Variants in HAO1 observed in about 807,000 individuals in gnomAD.
HAO1 encodes hydroxyacid oxidase 1.
In HAO1, 34 loss-of-function variants were observed where a neutral mutation model predicts 39.7. The ratio of observed to expected loss-of-function variants is 0.86; its 90% CI spans 0.65 to 1.14. The LOEUF is 1.14. Among genes scored for constraint, HAO1 ranks in the 50% most tolerant of loss-of-function variants. The pLI is 0.00. For missense variants in HAO1, 479 were observed against 464.5 expected, an observed-to-expected ratio of 1.03 and a Z score of -0.29; for synonymous variants, 172 against 173.2, an observed-to-expected ratio of 0.99 and a Z score of 0.05.
At chr20:7,913,946 C>T (rs1054016605) in intron 3 of HAO1, among the ~76,000 whole-genome samples, 5 of 152,192 alleles carry the variant, frequency 3.3e-5, no homozygotes, top group African/African-American at 4.8e-5. Context: ...AAAGCCAAAG[C>T]CCTTAATGCA....
At chr20:7,907,201 ACTTCTCTAAT>A (rs1374028048) in intron 3 of HAO1, among the ~76,000 whole-genome samples, 1 of 151,976 alleles carries the variant, frequency 6.6e-6, no homozygotes, top group African/African-American at 2.4e-5. Flanking sequence ...GCTGACTCAA[ACTTCTCTAAT>A]CTTCCAGACA....
Position 7,928,964 on chromosome 20 carries a change from C to T in HAO1, c.289+5520G>A, listed in dbSNP as rs565090094. Among the ~76,000 whole-genome samples, 4 of 152,260 alleles carry T rather than the reference C, an allele frequency of 2.6e-5. No individual in the cohort carries two copies. In the East Asian group the frequency reaches 7.7e-4, roughly 29 times the overall value. On this transcript the variant is annotated intron_variant, in intron 2 of 7. Transcript: ENST00000378789. ...TTTGGCAACCCCACATCCCTGCTCC[C>T]TTGGGTCATCAAGAGCTAAGATGTG...
At position 7,934,143 on chromosome 20, in the gene HAO1, C is replaced by A. The variant is rs79973822; in HGVS notation, c.289+341G>T. On this transcript the variant is annotated intron_variant, in intron 2 of 7. Transcript: ENST00000378789. ...TTTCCTGAGACAGTACTATTAATAC[C>A]CATAATATAACCAACAGTTACTGAG... 1.0e-2 allele frequency among the ~76,000 whole-genome samples: 1,521 copies of A among 152,198 alleles called. 25 individuals carry two copies. The highest frequency in any genetic ancestry group is 0.033 in the African/African-American group (1,362 of 41,510).
At chr20:7,894,379 T>G (rs1006627137) in intron 5 of HAO1, among the ~76,000 whole-genome samples, 9 of 152,186 alleles carry the variant, frequency 5.9e-5, no homozygotes, top group African/African-American at 2.2e-4. Context: ...TTTTGGACTC[T>G]GATTTGCCTA....
chr20:7,906,365 A>G, intron 3 of HAO1, 36 bp from the exon 4 acceptor site: 1 of 1,211,214 alleles, frequency 8.3e-7, no homozygotes, highest in Non-Finnish European at 1.2e-6. Flanking sequence ...GAAATTTGCC[A>G]AATTAGAAAT....
chr20:7,934,249 G>C (rs1347068947), intron 2 of HAO1, among the ~76,000 whole-genome samples: 2 of 152,086 alleles, frequency 1.3e-5, no homozygotes, highest in African/African-American at 4.8e-5. Context: ...TACAATTTTT[G>C]TCCCTATTTT....
rs1016461119 is a variant in HAO1, at chr20:7,885,863, A to G, written c.815T>C (p.Ile272Thr). Residue 272 changes from isoleucine to threonine, a missense_variant and splice_region_variant, in exon 6 of 8, where the codon ATT (isoleucine) becomes ACT (threonine). Ile to Thr is a moderately conservative substitution (Grantham distance 89). Transcript: ENST00000378789. ...CTCCACAATTTCTGGCAGAACATCA[A>G]TCTGGGGAAAGAAAAGTTCAATAAT... ...ARQLDGVPAT[I>T]DVLPEIVEAV... is the part of the protein sequence containing the mutation. 14 of 1,612,304 alleles carry G rather than the reference A, an allele frequency of 8.7e-6. No individual in the cohort carries two copies. In the African/African-American group the frequency reaches 1.2e-4, roughly 14 times the overall value.
intron 2 of HAO1, among the ~76,000 whole-genome samples, chr20:7,928,627 T>A (rs1326035233): frequency 6.6e-6 from 1 of 151,988 alleles, no homozygotes; most frequent in Non-Finnish European, 1.5e-5. Context: ...AACCCCAGCC[T>A]CCTTGGGACG....
intron 5 of HAO1, among the ~76,000 whole-genome samples, chr20:7,894,690 T>G (rs6055375): frequency 1.3e-5 from 2 of 152,000 alleles, no homozygotes; most frequent in African/African-American, 4.8e-5. Context: ...CAGGAAATTC[T>G]GATTATGTCC....
intron 4 of HAO1, 46 bp downstream of exon 4, chr20:7,906,108 A>G (rs201390104): frequency 7.7e-7 from 1 of 1,301,280 alleles, no homozygotes; most frequent in Non-Finnish European, 1.1e-6. Context: ...CGTATCCACA[A>G]AGGATCACAA....
rs550421952 is a variant in HAO1, at chr20:7,903,900, T to C, written c.721+2254A>G. On this transcript the variant is annotated intron_variant, in intron 4 of 7. Coordinates refer to ENST00000378789, the MANE Select transcript of HAO1 (RefSeq NM_017545.3). Reference sequence around the variant, plus strand: ...GTGGTGGTGGTGGTGGTGGTGGTGGTGGCAGTGGTCCTAGCTAAAGTGATA... The same window carrying C: ...GTGGTGGTGGTGGTGGTGGTGGTGGCGGCAGTGGTCCTAGCTAAAGTGATA... Among the ~76,000 whole-genome samples, 475 of 150,600 alleles carry C rather than the reference T, an allele frequency of 3.2e-3. 3 individuals are homozygous for C. Among genetic ancestry groups the C allele is most frequent in the Middle Eastern group, 7.0e-3 (2 of 286 alleles).
intron 2 of HAO1, among the ~76,000 whole-genome samples, chr20:7,919,482 T>C (rs974221027): frequency 6.6e-6 from 1 of 152,086 alleles, no homozygotes; most frequent in Non-Finnish European, 1.5e-5. Flanking sequence ...AGGTCTCAGG[T>C]ATTGAAGCAT....
At chr20:7,918,146 T>G (rs2050315362) in intron 2 of HAO1, among the ~76,000 whole-genome samples, 1 of 152,222 alleles carries the variant, frequency 6.6e-6, no homozygotes, top group Admixed American at 6.5e-5. Flanking sequence ...CATTTGAAGC[T>G]AAAATACTAG....
chr20:7,895,197 T>C lies in HAO1; in HGVS notation c.749A>G (p.His250Arg). Residue 250 changes from histidine (H) to arginine (R), a missense_variant, in exon 5 of 8, where the codon CAT (histidine) becomes CGT (arginine). Coordinates refer to ENST00000378789, the MANE Select transcript of HAO1 (RefSeq NM_017545.3). ...RGDDAREAVKHGLNGILVSNH... is the reference protein window; with the variant it reads ...RGDDAREAVKRGLNGILVSNH... ...CGACACCAAGATCCCATTCAAGCCA[T>C]GTTTAACAGCCTCCCTGGCATCATC... The C allele has an allele frequency of 1.2e-6, 2 of 1,612,004 alleles. No individual in the cohort carries two copies. The highest frequency in any genetic ancestry group is 1.7e-6 in the Non-Finnish European group (2 of 1,178,154).
chr20:7,905,558 G>T (rs2050243883), intron 4 of HAO1, among the ~76,000 whole-genome samples: 1 of 152,112 alleles, frequency 6.6e-6, no homozygotes, highest in Non-Finnish European at 1.5e-5. Context: ...TATAGTCATT[G>T]GTATCTCCCT....
At chr20:7,918,040 T>C (rs1232056987) in intron 2 of HAO1, among the ~76,000 whole-genome samples, 1 of 152,206 alleles carries the variant, frequency 6.6e-6, no homozygotes, top group Non-Finnish European at 1.5e-5. Flanking sequence ...AAGTAAATCA[T>C]ACATGGCTGA....
rs1555774047 is a variant in HAO1 at position 7,909,383 on chromosome 20, A to ATATATATATG, written c.546-3055_546-3054insCATATATATA. ...GACATATATATATATATATATGTAT[A>ATATATATATG]TATATATATATATATATATATGCTT... is the stretch of plus-strand genomic sequence containing the variant. On this transcript the variant is annotated intron_variant, in intron 3 of 7. Coordinates refer to ENST00000378789, the MANE Select transcript of HAO1 (RefSeq NM_017545.3). Among the ~76,000 whole-genome samples the ATATATATATG allele has an allele frequency of 9.6e-4, 120 of 124,776 alleles. 1 individual carries two copies. Among genetic ancestry groups the ATATATATATG allele is most frequent in the East Asian group, 5.9e-3 (22 of 3,714 alleles). The allele number at this position is 124,776 out of a possible 152,430, so 81.9% of individuals were successfully genotyped here.
rs534164791 is a variant in HAO1, at chr20:7,921,395, C to T, written c.290-6976G>A. The stretch of plus-strand genomic sequence containing the variant: ...ATCATCAAAGAAATGCAAATCAAAA[C>T]CACAATGATATACCATCTCATACCA... On this transcript the variant is annotated intron_variant, in intron 2 of 7. Coordinates refer to ENST00000378789, the MANE Select transcript of HAO1 (RefSeq NM_017545.3). 2.0e-5 allele frequency among the ~76,000 whole-genome samples: 3 copies of T among 152,188 alleles called. No individual in the cohort carries two copies. The South Asian group carries it at 6.2e-4, about 32-fold the overall frequency.
At chr20:7,903,229 A>C (rs2050228853) in intron 4 of HAO1, among the ~76,000 whole-genome samples, 1 of 152,154 alleles carries the variant, frequency 6.6e-6, no homozygotes. Context: ...AGACGATGTA[A>C]ACTGTACATG....
Sources: gnomAD v4.1 joint callset for allele counts (sites outside exome capture counted in the v4.1 genomes callset) on GRCh38, gnomAD v4.1.1 for gene constraint, MANE v1.5 for transcripts, NCBI Gene and HGNC (gene_info 2026-07-23, HGNC 2026-07-21) for gene names.